Variants in RNF144A observed in about 807,000 individuals in gnomAD.
RNF144A encodes ring finger protein 144A, also known as E3 ubiquitin-protein ligase RNF144A.
Under a neutral mutation model 38.7 loss-of-function variants are expected in RNF144A, and 11 were observed. The observed-to-expected ratio is 0.28, with a 90% confidence interval of 0.18 to 0.47. RNF144A has a LOEUF of 0.47. Ranked by LOEUF, RNF144A falls within the 20% of genes least tolerant of loss-of-function variation. The pLI is 0.99. For synonymous variants in RNF144A, 149 were observed against 143.9 expected (o/e 1.04, Z -0.25); for missense variants, 316 against 377.2 (o/e 0.84, Z 1.34).
intron 2 of RNF144A, among the ~76,000 whole-genome samples, chr2:6,985,876 G>A (rs532135198): frequency 1.2e-4 from 18 of 152,150 alleles, no homozygotes; most frequent in African/African-American, 3.9e-4. Flanking sequence ...GGGTTTCACC[G>A]TGTTAGCCAG....
At chr2:7,002,664 T>TAA (rs1670187553) in intron 3 of RNF144A, among the ~76,000 whole-genome samples, 1 of 152,182 alleles carries the variant, frequency 6.6e-6, no homozygotes, top group Non-Finnish European at 1.5e-5. Context: ...ACCATATATA[T>TAA]AATGGTGATC....
chr2:6,981,852 C>T (rs901976266), intron 2 of RNF144A, among the ~76,000 whole-genome samples: 23 of 152,136 alleles, frequency 1.5e-4, no homozygotes, highest in African/African-American at 5.1e-4. Context: ...AAGATACTAC[C>T]GGCCCACAGG....
chr2:7,009,718 G>A (rs1670672311), intron 3 of RNF144A, among the ~76,000 whole-genome samples: 1 of 152,190 alleles, frequency 6.6e-6, no homozygotes, highest in African/African-American at 2.4e-5. Context: ...ATTCCCATGA[G>A]GCTGTCCTCA....
intron 2 of RNF144A, among the ~76,000 whole-genome samples, chr2:6,995,628 C>T (rs1669684786): frequency 6.6e-6 from 1 of 152,154 alleles, no homozygotes; most frequent in Non-Finnish European, 1.5e-5. Flanking sequence ...GCAGAAAGCC[C>T]AGCACAGGAG....
chr2:6,974,418 C>T (rs1397047328), intron 2 of RNF144A, among the ~76,000 whole-genome samples: 4 of 152,192 alleles, frequency 2.6e-5, no homozygotes, highest in South Asian at 2.1e-4. Context: ...GCCCCAGTCT[C>T]CTTGTACCAA....
intron 3 of RNF144A, among the ~76,000 whole-genome samples, chr2:7,012,680 G>T (rs1670895306): frequency 6.6e-6 from 1 of 152,206 alleles, no homozygotes; most frequent in Non-Finnish European, 1.5e-5. Context: ...CCTGCTGGAG[G>T]CTGGGTGTGA....
intron 6 of RNF144A, among the ~76,000 whole-genome samples, chr2:7,060,813 A>G (rs1157302511): frequency 6.6e-6 from 1 of 152,184 alleles, no homozygotes; most frequent in Non-Finnish European, 1.5e-5. Context: ...TCGCCCCTGC[A>G]ACCCCTGCAG....
At chr2:7,033,027 A>AGTCAGAGCT (rs1441242618) in intron 8 of RNF144A, among the ~76,000 whole-genome samples, 1 of 152,242 alleles carries the variant, frequency 6.6e-6, no homozygotes, top group East Asian at 1.9e-4. Flanking sequence ...GCAGAAACTG[A>AGTCAGAGCT]GTCAGAGCTT....
chr2:7,029,184 T>C (rs920863734), intron 7 of RNF144A, among the ~76,000 whole-genome samples: 1 of 152,254 alleles, frequency 6.6e-6, no homozygotes, highest in Non-Finnish European at 1.5e-5. Flanking sequence ...GCTGTCTGTT[T>C]ACAGCCTCCT....
Position 7,056,164 on chromosome 2 carries a change from A to G in RNF144A, c.735-12052A>G, listed in dbSNP as rs990939941. Among the ~76,000 whole-genome samples the G allele has an allele frequency of 5.3e-5, 8 of 152,118 alleles. No homozygotes were observed. The East Asian group carries it at 1.5e-3, about 29-fold the overall frequency. On this transcript the variant is annotated intron_variant, in intron 6 of 6. Transcript: ENST00000432850. ...ACAAATTGGGAAGCCTATAAAATGCACTAGCCAGGTGGAGGAAAGCCTCAT... is the reference window on the plus strand; with the variant it reads ...ACAAATTGGGAAGCCTATAAAATGCGCTAGCCAGGTGGAGGAAAGCCTCAT...
chr2:6,938,723 C>CACT (rs1665764699), intron 1 of RNF144A, among the ~76,000 whole-genome samples: 1 of 152,188 alleles, frequency 6.6e-6, no homozygotes, highest in African/African-American at 2.4e-5. Flanking sequence ...CATCCCTTAG[C>CACT]ACTCACTTCT....
At chr2:6,997,758 G>T (rs1463321333) in intron 3 of RNF144A, among the ~76,000 whole-genome samples, 3 of 152,200 alleles carry the variant, frequency 2.0e-5, no homozygotes, top group African/African-American at 7.2e-5. Context: ...GTGCATAGAA[G>T]CCGGAAGTAG....
intron 1 of RNF144A, among the ~76,000 whole-genome samples, chr2:6,932,606 T>C (rs1359174731): frequency 1.3e-5 from 2 of 152,222 alleles, no homozygotes; most frequent in Non-Finnish European, 2.9e-5. Context: ...ATGCCTCTAC[T>C]ATAACAAGCT....
rs903715006 is a variant in RNF144A, at chr2:6,958,134, C to T, written c.-12+16987C>T. ...AGTAGTCTGCAGCCAGGCTGTCATG[C>T]GCAGCCACCATGGGGCACCGGGCGT... On this transcript the variant is annotated intron_variant, in intron 2 of 8. Transcript: ENST00000320892. The surrounding 1 kb of genome is among the most constrained non-coding windows in gnomAD (Gnocchi z 4.5). Among the ~76,000 whole-genome samples, 4 of 152,192 alleles carry T rather than the reference C, an allele frequency of 2.6e-5. No individual in the cohort carries two copies. Among genetic ancestry groups the T allele is most frequent in the Non-Finnish European group, 5.9e-5 (4 of 68,038 alleles).
At chr2:7,046,142 C>A (rs191586418), downstream of RNF144A, among the ~76,000 whole-genome samples, 92 of 152,302 alleles carry the variant, frequency 6.0e-4, no homozygotes, top group Non-Finnish European at 1.3e-3. Context: ...GCAGGAGGTA[C>A]ATGAGAGATT....
At chr2:6,940,628 A>G (rs1246547672) in intron 1 of RNF144A, among the ~76,000 whole-genome samples, 1 of 151,852 alleles carries the variant, frequency 6.6e-6, no homozygotes, top group Non-Finnish European at 1.5e-5. Context: ...GTGGACTTGC[A>G]CCTCTCTCTA....
In RNF144A at chr2:6,958,195, C is replaced by T. The variant is rs1005772527; in HGVS notation, c.-12+17048C>T. ...CCTGGAAGGTGGAACTTGATCACCA[C>T]TCTGCCTGGCCTCAGCAGTCCCTTC... On this transcript the variant is annotated intron_variant, in intron 2 of 8. Coordinates refer to ENST00000320892, the MANE Select transcript of RNF144A (RefSeq NM_014746.6). The surrounding 1 kb of genome is among the most constrained non-coding windows in gnomAD (Gnocchi z 4.5). 6.6e-6 allele frequency among the ~76,000 whole-genome samples: 1 copy of T among 152,244 alleles called. No homozygotes were observed. The highest frequency in any genetic ancestry group is 1.5e-5 in the Non-Finnish European group (1 of 68,044).
At chr2:7,025,319 G>C (rs1671813823) in intron 7 of RNF144A, among the ~76,000 whole-genome samples, 1 of 152,184 alleles carries the variant, frequency 6.6e-6, no homozygotes, top group Non-Finnish European at 1.5e-5. Context: ...TGGGCATCTT[G>C]CCAAAATGAT....
At chr2:7,046,335 C>T (rs998628294), downstream of RNF144A, among the ~76,000 whole-genome samples, 1 of 152,178 alleles carries the variant, frequency 6.6e-6, no homozygotes, top group African/African-American at 2.4e-5. Context: ...TCGGATGAAG[C>T]CAACATCGAA....
Sources: allele counts gnomAD v4.1 joint callset (sites outside exome capture counted in the v4.1 genomes callset), GRCh38; gene constraint gnomAD v4.1.1; non-coding constraint Gnocchi (gnomAD v3.1); transcripts MANE v1.5; gene names NCBI Gene and HGNC (gene_info 2026-07-23, HGNC 2026-07-21).